FSTL5: variants seen among roughly 807,000 people sequenced by gnomAD.
The protein encoded by FSTL5 is follistatin like 5.
FSTL5 carries 62 observed loss-of-function variants against 89.1 expected under a neutral mutation model. The observed-to-expected ratio is 0.70, with a 90% CI of 0.57 to 0.86. The LOEUF (loss-of-function observed/expected upper bound fraction) is 0.86, where lower values mean the gene tolerates loss of function less well. Among genes scored for constraint, FSTL5 ranks in the 40% least tolerant of loss-of-function variants. The pLI, the probability that FSTL5 is intolerant of heterozygous loss-of-function variation, is 0.00. For synonymous variants in FSTL5, 383 were observed against 346.2 expected, an observed-to-expected ratio of 1.11 and a Z score of -1.18; for missense variants, 1,057 against 1,001.6, an observed-to-expected ratio of 1.06 and a Z score of -0.75.
chr4:161,482,563 A>G (rs774200433), intron 12 of FSTL5, among the ~76,000 whole-genome samples: 18 of 152,166 alleles, frequency 1.2e-4, no homozygotes, highest in Non-Finnish European at 1.6e-4. Flanking sequence ...ACAAAAATCA[A>G]CCACACTTTC....
At chr4:161,759,922 G>A (rs1740725856) in intron 5 of FSTL5, among the ~76,000 whole-genome samples, 1 of 150,848 alleles carries the variant, frequency 6.6e-6, no homozygotes, top group Non-Finnish European at 1.5e-5. Flanking sequence ...ATAAAACAGT[G>A]GTCTTTCCCA....
chr4:162,017,156 G>A (rs772131659), intron 3 of FSTL5, among the ~76,000 whole-genome samples: 5 of 152,090 alleles, frequency 3.3e-5, no homozygotes, highest in African/African-American at 7.2e-5. Context: ...TGGTTACTCC[G>A]TGCAGGTTTG....
intron 2 of FSTL5, among the ~76,000 whole-genome samples, chr4:162,100,229 T>C (rs1045437282): frequency 6.6e-6 from 1 of 152,176 alleles, no homozygotes; most frequent in African/African-American, 2.4e-5. Flanking sequence ...TGGAGTATTA[T>C]TCAGCACTAA....
intron 15 of FSTL5, among the ~76,000 whole-genome samples, chr4:161,418,104 A>G (rs1306971635): frequency 6.6e-6 from 1 of 152,164 alleles, no homozygotes; most frequent in Non-Finnish European, 1.5e-5. Flanking sequence ...TTCCTCCTGC[A>G]GCCCAATGAT....
intron 7 of FSTL5, among the ~76,000 whole-genome samples, chr4:161,605,800 T>C (rs12640548): frequency 0.17 from 26,292 of 152,188 alleles, 2,378 homozygotes; most frequent in Middle Eastern, 0.32. Context: ...ACTGATTTCA[T>C]TGATGGTCTT....
intron 8 of FSTL5, among the ~76,000 whole-genome samples, chr4:161,584,029 A>T (rs2126603097): frequency 6.6e-6 from 1 of 151,108 alleles, no homozygotes; most frequent in African/African-American, 2.5e-5. Context: ...TAGCTAAATC[A>T]GAATCTTTTT....
chr4:161,584,034 C>CT (rs151212867), intron 8 of FSTL5, among the ~76,000 whole-genome samples: 6,370 of 152,146 alleles, frequency 0.042, 465 homozygotes, highest in African/African-American at 0.15. Flanking sequence ...AAATCAGAAT[C>CT]TTTTTTTCTC....
chr4:162,077,172 G>A (rs935875978), intron 2 of FSTL5, among the ~76,000 whole-genome samples: 5 of 151,812 alleles, frequency 3.3e-5, no homozygotes, highest in African/African-American at 1.2e-4. Flanking sequence ...GGGCCTTCTT[G>A]CTGTGGTCTT....
chr4:161,886,480 G>A (rs566405665), intron 4 of FSTL5, among the ~76,000 whole-genome samples: 25 of 152,288 alleles, frequency 1.6e-4, no homozygotes, highest in African/African-American at 4.3e-4. Flanking sequence ...TATTCATGAG[G>A]AGTCGATGGA....
At chr4:162,032,839 C>A (rs1451682182) in intron 3 of FSTL5, 2 of 151,846 alleles carry the variant, frequency 1.3e-5, no homozygotes, top group African/African-American at 4.8e-5. Flanking sequence ...TCTTTCTATT[C>A]AAAAAGGAGG....
rs142532041 is a variant in FSTL5, at chr4:162,122,326, C to T, written c.-16-10914G>A. ...AACACTTGCATTAACATTCTCAACC[C>T]ACTGTTCCCCGCTTCTACCACTAAC... On this transcript the variant is annotated intron_variant, in intron 1 of 15. Coordinates refer to ENST00000306100, the MANE Select transcript of FSTL5 (RefSeq NM_020116.5). Among the ~76,000 whole-genome samples, 576 of 152,152 alleles carry T rather than the reference C, an allele frequency of 3.8e-3. 4 individuals carry two copies. The highest frequency in any genetic ancestry group is 0.013 in the African/African-American group (542 of 41,560).
chr4:161,505,096 T>C (rs1174008079), intron 11 of FSTL5, among the ~76,000 whole-genome samples: 1 of 152,150 alleles, frequency 6.6e-6, no homozygotes, highest in Non-Finnish European at 1.5e-5. Flanking sequence ...CATTTGTTGA[T>C]ATTATCCTTT....
intron 6 of FSTL5, among the ~76,000 whole-genome samples, chr4:161,696,219 C>T (rs557647424): frequency 1.3e-5 from 2 of 152,214 alleles, no homozygotes; most frequent in African/African-American, 2.4e-5. Flanking sequence ...ATAGGGTGTC[C>T]TTTCCAGACT....
At chr4:161,438,560 T>G in intron 15 of FSTL5, among the ~76,000 whole-genome samples, 1 of 152,324 alleles carries the variant, frequency 6.6e-6, no homozygotes, top group Non-Finnish European at 1.5e-5. Flanking sequence ...ATGATGTTTT[T>G]ACAATTTCTC....
chr4:161,758,063 G>A (rs1393226279), intron 6 of FSTL5, among the ~76,000 whole-genome samples: 2 of 151,942 alleles, frequency 1.3e-5, no homozygotes, highest in African/African-American at 2.4e-5. Flanking sequence ...TCCAAAGAGC[G>A]TATTTTTATC....
chr4:161,668,448 A>G (rs1736973731), intron 6 of FSTL5, among the ~76,000 whole-genome samples: 2 of 152,352 alleles, frequency 1.3e-5, no homozygotes, highest in Middle Eastern at 6.8e-3. Context: ...TTTAAGGGAG[A>G]AATTGTATCA....
intron 1 of FSTL5, among the ~76,000 whole-genome samples, chr4:162,112,420 T>C (rs562148156): frequency 1.3e-5 from 2 of 152,112 alleles, no homozygotes; most frequent in African/African-American, 4.8e-5. Flanking sequence ...TGTTTTATTT[T>C]TACTTTTCAG....
Position 161,661,113 on chromosome 4 carries a change from A to C in FSTL5, c.728-4619T>G, listed in dbSNP as rs529023510. On this transcript the variant is annotated intron_variant, in intron 6 of 15. Transcript: ENST00000306100. ...ATGTGATTTTAACACATATAGAAAA[A>C]ACGAAATATTATGAATATTTGTGAA... Among the ~76,000 whole-genome samples the C allele has an allele frequency of 3.9e-5, 6 of 152,286 alleles. No homozygotes were observed. The East Asian group carries it at 1.2e-3, about 29-fold the overall frequency.
chr4:161,903,934 AC>A (rs1733447676), intron 4 of FSTL5, among the ~76,000 whole-genome samples: 1 of 152,038 alleles, frequency 6.6e-6, no homozygotes, highest in Non-Finnish European at 1.5e-5. Context: ...AGAAAATGAA[AC>A]CTAAACTTAT....
Sources: gnomAD v4.1 joint callset for allele counts (sites outside exome capture counted in the v4.1 genomes callset) on GRCh38, gnomAD v4.1.1 for gene constraint, MANE v1.5 for transcripts, NCBI Gene and HGNC (gene_info 2026-07-23, HGNC 2026-07-21) for gene names.